Variants in DIAPH2 observed in about 807,000 individuals in gnomAD.
DIAPH2 encodes protein diaphanous homolog 2.
DIAPH2 carries 35 observed loss-of-function variants against 92.7 expected under a neutral mutation model. The ratio of observed to expected loss-of-function variants is 0.38; its 90% CI spans 0.29 to 0.50. DIAPH2 has a LOEUF of 0.50. Among genes scored for constraint, DIAPH2 ranks in the 20% least tolerant of loss-of-function variants. The pLI is 0.94. For missense variants in DIAPH2, 701 were observed against 819.5 expected (o/e 0.86, Z 1.77); for synonymous variants, 301 against 280.4 (o/e 1.07, Z -0.73).
At chrX:97,414,656 A>G (rs1203553118) in intron 25 of DIAPH2, among the ~76,000 whole-genome samples, 2 of 107,590 alleles carry the variant, frequency 1.9e-5, no homozygotes, top group African/African-American at 6.7e-5. Context: ...TCTGTCTCAA[A>G]AAAAAAAAAA....
chrX:97,598,969 T>C (rs1486926202), intron 26 of DIAPH2, among the ~76,000 whole-genome samples: 1 of 112,114 alleles, frequency 8.9e-6, no homozygotes, highest in Non-Finnish European at 1.9e-5. Flanking sequence ...TGTTGTTGCC[T>C]GCTATTTCCA....
chrX:96,872,137 T>C (rs1202789390), intron 4 of DIAPH2, among the ~76,000 whole-genome samples: 2 of 111,737 alleles, frequency 1.8e-5, no homozygotes, highest in Admixed American at 1.9e-4. Context: ...GTACAATCTT[T>C]AATTGTACAA....
chrX:97,146,313 C>T (rs1304448434), intron 22 of DIAPH2, among the ~76,000 whole-genome samples: 1 of 108,391 alleles, frequency 9.2e-6, no homozygotes, highest in East Asian at 2.8e-4. Context: ...TGATCCCGTT[C>T]TCTTCAAAAA....
chrX:97,373,919 A>G (rs1255673042), intron 24 of DIAPH2, among the ~76,000 whole-genome samples: 1 of 110,959 alleles, frequency 9.0e-6, no homozygotes, highest in Non-Finnish European at 1.9e-5. Flanking sequence ...GGTACTTAAG[A>G]GCAGAAGGAA....
At chrX:96,805,212 CACACACACAT>C (rs1208833177) in intron 4 of DIAPH2, among the ~76,000 whole-genome samples, 2 of 9,590 alleles carry the variant, frequency 2.1e-4, no homozygotes, top group Non-Finnish European at 3.1e-4. Flanking sequence ...TATTTATACA[CACACACACAT>C]ACACACACAT....
At chrX:97,350,802 T>G (rs767457597) in intron 24 of DIAPH2, among the ~76,000 whole-genome samples, 2 of 112,301 alleles carry the variant, frequency 1.8e-5, no homozygotes, top group African/African-American at 3.2e-5. Context: ...ATTACATACA[T>G]ATGTAGGATA....
intron 26 of DIAPH2, among the ~76,000 whole-genome samples, chrX:97,445,471 G>A (rs758799303): frequency 2.7e-5 from 3 of 110,322 alleles, no homozygotes; most frequent in South Asian, 3.9e-4. Context: ...GCAACAGAGT[G>A]CAGTGGTGCG....
intron 4 of DIAPH2, among the ~76,000 whole-genome samples, chrX:96,866,738 A>T (rs1012944654): frequency 8.9e-6 from 1 of 112,168 alleles, no homozygotes; most frequent in African/African-American, 3.2e-5. Context: ...TACTGATTAT[A>T]TTACTTATTG....
intron 8 of DIAPH2, among the ~76,000 whole-genome samples, chrX:96,917,077 G>A (rs2065509336): frequency 9.0e-6 from 1 of 111,373 alleles, no homozygotes; most frequent in Non-Finnish European, 1.9e-5. Flanking sequence ...GTGTATATGT[G>A]CCACCAAATG....
chrX:96,870,380 G>A (rs2065132444), intron 4 of DIAPH2, among the ~76,000 whole-genome samples: 1 of 109,195 alleles, frequency 9.2e-6, no homozygotes, highest in African/African-American at 3.3e-5. Context: ...TCCTGCCTCA[G>A]CCTCCCGAGT....
intron 5 of DIAPH2, among the ~76,000 whole-genome samples, chrX:96,892,604 C>T (rs1476870522): frequency 5.4e-5 from 6 of 111,450 alleles, no homozygotes; most frequent in Non-Finnish European, 7.5e-5. Context: ...ATTCTGACTT[C>T]GGCACATGCA....
At chrX:97,579,328 C>T (rs1239156301) in intron 26 of DIAPH2, among the ~76,000 whole-genome samples, 7 of 106,992 alleles carry the variant, frequency 6.5e-5, no homozygotes, top group South Asian at 4.1e-4. Flanking sequence ...GTCTTTAATC[C>T]ATCTTGAATT....
chrX:96,965,617 A>G (rs952105419), intron 17 of DIAPH2, among the ~76,000 whole-genome samples: 1 of 111,497 alleles, frequency 9.0e-6, no homozygotes, highest in Non-Finnish European at 1.9e-5. Flanking sequence ...AGTCTTAAAT[A>G]GTCTTTCCTG....
chrX:97,236,795 C>T (rs1477141267), intron 22 of DIAPH2, among the ~76,000 whole-genome samples: 2 of 110,865 alleles, frequency 1.8e-5, no homozygotes, highest in South Asian at 3.8e-4. Context: ...CCACCCGCCT[C>T]GGCCTCCCAA....
At chrX:96,962,494 C>CATATATATATAT (rs1325347455) in intron 16 of DIAPH2, among the ~76,000 whole-genome samples, 1 of 18,413 alleles carries the variant, frequency 5.4e-5, no homozygotes, top group African/African-American at 1.6e-4. Flanking sequence ...CACACACACA[C>CATATATATATAT]ACATATATAT....
At chrX:97,200,187 G>T (rs988338618) in intron 22 of DIAPH2, among the ~76,000 whole-genome samples, 31 of 112,389 alleles carry the variant, frequency 2.8e-4, no homozygotes, top group Non-Finnish European at 5.3e-4. Context: ...ACGAATTTTT[G>T]CAATCTGCAG....
At chrX:97,581,190 G>GTTA (rs1421382330) in intron 26 of DIAPH2, among the ~76,000 whole-genome samples, 1 of 69,446 alleles carries the variant, frequency 1.4e-5, no homozygotes, top group Non-Finnish European at 2.8e-5. Context: ...TCTGATTTTA[G>GTTA]TTATTTCTTG....
intron 24 of DIAPH2, among the ~76,000 whole-genome samples, chrX:97,349,777 C>T (rs1426960184): frequency 9.1e-6 from 1 of 110,243 alleles, no homozygotes; most frequent in Non-Finnish European, 1.9e-5. Context: ...ATGTGTTCTA[C>T]TGGCAATGAG....
intron 17 of DIAPH2, among the ~76,000 whole-genome samples, chrX:96,968,408 G>A (rs1420527170): frequency 9.2e-6 from 1 of 108,809 alleles, no homozygotes; most frequent in Non-Finnish European, 1.9e-5. Flanking sequence ...TAGTAGAGAC[G>A]AGTTTTCACC....
Sources: gnomAD v4.1 joint callset for allele counts (sites outside exome capture counted in the v4.1 genomes callset) on GRCh38, gnomAD v4.1.1 for gene constraint, MANE v1.5 for transcripts, NCBI Gene and HGNC (gene_info 2026-07-23, HGNC 2026-07-21) for gene names.